The following ZBTB20 variants were observed in gnomAD, a reference collection of about 807,000 sequenced individuals.
ZBTB20 encodes the protein zinc finger and BTB domain-containing protein 20.
In ZBTB20, 9 loss-of-function variants were observed where a neutral mutation model predicts 56.9. The ratio of observed to expected loss-of-function variants is 0.16; its 90% CI spans 0.10 to 0.28. The LOEUF (loss-of-function observed/expected upper bound fraction) is 0.28, where lower values mean the gene tolerates loss of function less well. Ranked by LOEUF, ZBTB20 falls within the 10% of genes least tolerant of loss-of-function variation. ZBTB20 has a pLI of 1.00. For synonymous variants in ZBTB20, 417 were observed against 420.7 expected, an observed-to-expected ratio of 0.99 and a Z score of 0.11; for missense variants, 655 against 1,003.0, an observed-to-expected ratio of 0.65 and a Z score of 4.69.
At chr3:114,470,844 C>A (rs751315146) in intron 7 of ZBTB20, among the ~76,000 whole-genome samples, 7 of 152,110 alleles carry the variant, frequency 4.6e-5, no homozygotes, top group Non-Finnish European at 1.0e-4. Flanking sequence ...CTATCATATT[C>A]TTAATTATCA....
chr3:115,054,875 C>T (rs1004814660), intron 2 of ZBTB20, among the ~76,000 whole-genome samples: 5 of 152,066 alleles, frequency 3.3e-5, no homozygotes, highest in Non-Finnish European at 7.4e-5. Context: ...TAGTGACTTA[C>T]AGGCATCAGG....
rs192640039 is a variant in ZBTB20, at chr3:114,669,132, A to G, written c.-295+24396T>C. 1.6e-3 allele frequency among the ~76,000 whole-genome samples: 240 copies of G among 152,184 alleles called. 1 individual carries two copies. The highest frequency in any genetic ancestry group is 5.6e-3 in the African/African-American group (232 of 41,550). ...ATCTGGAGACAATTTTGATAATCCA[A>G]ACTGAGGGGTGCTCCAATGGGGAGA... is the stretch of plus-strand genomic sequence containing the variant. On this transcript the variant is annotated intron_variant, in intron 6 of 11. Coordinates refer to ENST00000675478, the MANE Select transcript of ZBTB20 (RefSeq NM_001348800.3).
Position 115,033,410 on chromosome 3 carries a change from T to G in ZBTB20, c.-507+37809A>C, listed in dbSNP as rs552093824. Among the ~76,000 whole-genome samples the G allele has an allele frequency of 2.6e-5, 4 of 151,738 alleles. No individual in the cohort carries two copies. In the South Asian group the frequency reaches 8.3e-4, roughly 31 times the overall value. On this transcript the variant is annotated intron_variant, in intron 2 of 11. Coordinates refer to ENST00000675478, the MANE Select transcript of ZBTB20 (RefSeq NM_001348800.3). The stretch of plus-strand genomic sequence containing the variant: ...AAAGAAAAGTCCTGGACCTGATGAC[T>G]TCACTGGTGAGTTCTACCAATTATT...
chr3:114,706,353 G>A (rs1476338238), intron 5 of ZBTB20, among the ~76,000 whole-genome samples: 1 of 152,124 alleles, frequency 6.6e-6, no homozygotes, highest in Non-Finnish European at 1.5e-5. Context: ...TTGTATTAAT[G>A]ATACATAAAT....
At chr3:114,649,417 T>A (rs531011100) in intron 6 of ZBTB20, among the ~76,000 whole-genome samples, 1 of 152,132 alleles carries the variant, frequency 6.6e-6, no homozygotes, top group East Asian at 1.9e-4. Flanking sequence ...AATAAAAGAA[T>A]GTAGAGTTCC....
intron 2 of ZBTB20, among the ~76,000 whole-genome samples, chr3:114,981,491 TA>T (rs2078326000): frequency 6.6e-6 from 1 of 152,100 alleles, no homozygotes. Context: ...TTTCTTCCTA[TA>T]TTTTTGTAAC....
intron 6 of ZBTB20, among the ~76,000 whole-genome samples, chr3:114,684,116 GT>G (rs2062169515): frequency 6.6e-6 from 1 of 152,138 alleles, no homozygotes; most frequent in African/African-American, 2.4e-5. Flanking sequence ...ATGACATGTT[GT>G]TAATAGGCTT....
chr3:114,846,049 T>C (rs1290715270), intron 4 of ZBTB20, among the ~76,000 whole-genome samples: 1 of 152,142 alleles, frequency 6.6e-6, no homozygotes, highest in East Asian at 1.9e-4. Flanking sequence ...ACCAGAGATA[T>C]AGATAGGTGG....
Position 114,534,313 on chromosome 3 carries a change from C to CA in ZBTB20, c.-294-33923dup, listed in dbSNP as rs536892567. On this transcript the variant is annotated intron_variant, in intron 6 of 11. Coordinates refer to ENST00000675478, the MANE Select transcript of ZBTB20 (RefSeq NM_001348800.3). ...GAATATTTACCAAGCAAATGGAAAG[C>CA]AAAAAAAAATGCAGGGGTTGCAATC... 4.5e-3 allele frequency among the ~76,000 whole-genome samples: 669 copies of CA among 147,624 alleles called. 2 individuals carry two copies. Among genetic ancestry groups the CA allele is most frequent in the South Asian group, 0.012 (58 of 4,684 alleles).
In ZBTB20 at chr3:114,999,676, G is replaced by A. The variant is rs1288280446; in HGVS notation, c.-506-25260C>T. On this transcript the variant is annotated intron_variant, in intron 2 of 11. Coordinates refer to ENST00000675478, the MANE Select transcript of ZBTB20 (RefSeq NM_001348800.3). Reference sequence around the variant, plus strand: ...TATTTGTTATGTCAGGAAAAATATAGTTGAATGAAGTGTTCTCTTTCCCAT... The same window carrying A: ...TATTTGTTATGTCAGGAAAAATATAATTGAATGAAGTGTTCTCTTTCCCAT... Among the ~76,000 whole-genome samples the A allele has an allele frequency of 2.0e-5, 3 of 151,586 alleles. No homozygotes were observed. The East Asian group carries it at 5.9e-4, about 30-fold the overall frequency.
chr3:115,001,135 A>G (rs929998495), intron 2 of ZBTB20, among the ~76,000 whole-genome samples: 2 of 151,212 alleles, frequency 1.3e-5, no homozygotes, highest in Non-Finnish European at 3.0e-5. Flanking sequence ...AAAGGAGCCT[A>G]TATTTCAAAC....
chr3:115,001,600 C>T (rs903606478), intron 2 of ZBTB20, among the ~76,000 whole-genome samples: 7 of 150,332 alleles, frequency 4.7e-5, no homozygotes, highest in African/African-American at 9.7e-5. Context: ...CAATATATTA[C>T]CAATTAAATA....
intron 6 of ZBTB20, among the ~76,000 whole-genome samples, chr3:114,547,614 G>T (rs1348476142): frequency 6.6e-6 from 1 of 152,172 alleles, no homozygotes; most frequent in African/African-American, 2.4e-5. Context: ...TGATTAAGGG[G>T]TGTATGCATG....
intron 6 of ZBTB20, among the ~76,000 whole-genome samples, chr3:114,663,545 C>G (rs924728044): frequency 6.6e-6 from 1 of 151,350 alleles, no homozygotes; most frequent in African/African-American, 2.4e-5. Flanking sequence ...ACAATATTAA[C>G]TTTAAATGTA....
chr3:114,819,860 A>G (rs1018120992), intron 4 of ZBTB20, among the ~76,000 whole-genome samples: 6 of 151,912 alleles, frequency 3.9e-5, no homozygotes, highest in Non-Finnish European at 7.4e-5. Flanking sequence ...ATGAGTAAAG[A>G]CCACAAGCAA....
intron 2 of ZBTB20, among the ~76,000 whole-genome samples, chr3:115,018,513 C>T (rs1206303391): frequency 1.3e-5 from 2 of 151,244 alleles, no homozygotes; most frequent in African/African-American, 4.8e-5. Context: ...GCCAAGGGTG[C>T]TAGATGGCTT....
chr3:114,920,813 C>T (rs2075927987), intron 3 of ZBTB20, among the ~76,000 whole-genome samples: 1 of 151,592 alleles, frequency 6.6e-6, no homozygotes, highest in Admixed American at 6.6e-5. Context: ...CCTAAGAGTT[C>T]GTTTTTTGAA....
At chr3:115,016,878 T>TA (rs2079985101) in intron 2 of ZBTB20, among the ~76,000 whole-genome samples, 1 of 151,680 alleles carries the variant, frequency 6.6e-6, no homozygotes, top group African/African-American at 2.4e-5. Context: ...TGAAAGAACA[T>TA]ACCTCAAAAT....
Position 114,321,051 on chromosome 3 carries a change from G to A in ZBTB20, c.*17954C>T, listed in dbSNP as rs545732387. On this transcript the variant is annotated 3_prime_UTR_variant, in exon 12 of 12. Coordinates refer to ENST00000675478, the MANE Select transcript of ZBTB20 (RefSeq NM_001348800.3). The stretch of plus-strand genomic sequence containing the variant: ...CAGCCAAAGCCTCCAAGTTATGTTA[G>A]GTGGACAGTAAGACCAGGTGGACAG... 6.6e-6 allele frequency: 1 copy of A among 152,188 alleles called. No homozygotes were observed. Among genetic ancestry groups the A allele is most frequent in the South Asian group, 2.1e-4 (1 of 4,826 alleles). 9.4% of individuals were successfully genotyped at this position (152,188 alleles called of 1,614,324 possible).
Sources: gnomAD v4.1 joint callset for allele counts (sites outside exome capture counted in the v4.1 genomes callset) on GRCh38, gnomAD v4.1.1 for gene constraint, MANE v1.5 for transcripts, NCBI Gene and HGNC (gene_info 2026-07-23, HGNC 2026-07-21) for gene names.